The following WNK3 variants were observed in gnomAD, a reference collection of about 807,000 sequenced individuals.
The protein encoded by WNK3 is WNK lysine deficient protein kinase 3, also known as serine/threonine-protein kinase WNK3.
Under a neutral mutation model 116.7 loss-of-function variants are expected in WNK3, and 18 were observed. The observed-to-expected ratio is 0.15, with a 90% CI of 0.11 to 0.23. The LOEUF (loss-of-function observed/expected upper bound fraction) is 0.23. WNK3 is among the 10% of genes least tolerant of loss of function. The pLI, the probability that WNK3 is intolerant of heterozygous loss-of-function variation, is 1.00. For synonymous variants in WNK3, 404 were observed against 469.4 expected (o/e 0.86, Z 1.80); for missense variants, 993 against 1,323.8 (o/e 0.75, Z 3.88).
At chrX:54,284,826 C>T (rs1442804903) in intron 10 of WNK3, among the ~76,000 whole-genome samples, 3 of 109,988 alleles carry the variant, frequency 2.7e-5, no homozygotes, top group South Asian at 3.9e-4. Flanking sequence ...CAAAATTAGC[C>T]GGGCGTGGTG....
chrX:54,293,097 C>G, intron 9 of WNK3, 37 bp downstream of exon 9: 1 of 1,182,527 alleles, frequency 8.5e-7, no homozygotes. Flanking sequence ...AGTAAATACA[C>G]TGATTATATA....
chrX:54,333,508 T>C, exon 2 of WNK3: 1 of 1,211,774 alleles, frequency 8.3e-7, no homozygotes, highest in Non-Finnish European at 1.1e-6. Flanking sequence ...AAAAATCTCT[T>C]CCTTTCTACA....
In WNK3 at chrX:54,344,181, C is replaced by T. The variant is rs149846552; in HGVS notation, c.-119-10389G>A. Among the ~76,000 whole-genome samples, 639 of 112,582 alleles carry T rather than the reference C, an allele frequency of 5.7e-3. 7 individuals are homozygous for T. The highest frequency in any genetic ancestry group is 0.02 in the African/African-American group (624 of 31,139). ...AATTCTGGCTGGGCGCAGTGGCTTACGCCTGTAATTCCAGCACTTTGGGAG... is the reference window on the plus strand; with the variant it reads ...AATTCTGGCTGGGCGCAGTGGCTTATGCCTGTAATTCCAGCACTTTGGGAG... On this transcript the variant is annotated intron_variant, in intron 1 of 23. Transcript: ENST00000354646.
At chrX:54,296,124 C>T (rs2068696033) in intron 7 of WNK3, among the ~76,000 whole-genome samples, 1 of 112,004 alleles carries the variant, frequency 8.9e-6, no homozygotes, top group African/African-American at 3.2e-5. Context: ...CTACATCTTA[C>T]TAGGCATTAG....
At chrX:54,358,309 C>T (rs985291705), upstream of WNK3, among the ~76,000 whole-genome samples, 1 of 110,661 alleles carries the variant, frequency 9.0e-6, no homozygotes, top group Non-Finnish European at 1.9e-5. Flanking sequence ...CTGTGTGTTC[C>T]GAAGCGCTCT....
rs1430942546 is a variant in WNK3, at chrX:54,237,553, TGA to T, written c.4015-4_4015-3del. On this transcript the variant is annotated splice_polypyrimidine_tract_variant and splice_region_variant and intron_variant, in intron 19 of 23. Coordinates refer to ENST00000354646, the Ensembl canonical transcript of WNK3. ...CTGCTGCTGAGGAATTGTAATCACC[TGA>T]GATATAAAAACGTAAAAGTGGTTAG... 8.7e-7 allele frequency: 1 copy of T among 1,152,730 alleles called. No homozygotes were observed. The highest frequency in any genetic ancestry group is 1.8e-5 in the African/African-American group (1 of 54,937). 95.0% of individuals were successfully genotyped at this position (1,152,730 alleles called of 1,213,427 possible). A position where few individuals can be genotyped will look rare whatever the true frequency, so the allele number is the denominator to read the frequency against.
chrX:54,317,051 CCCA>C (rs1476032758), intron 2 of WNK3, among the ~76,000 whole-genome samples: 2 of 111,545 alleles, frequency 1.8e-5, no homozygotes, highest in East Asian at 2.8e-4. Flanking sequence ...AACTCAAATG[CCCA>C]CCAACAGATG....
At chrX:54,201,811 C>G (rs1557141683) in intron 23 of WNK3, among the ~76,000 whole-genome samples, 180 bp downstream of exon 23, 1 of 111,895 alleles carries the variant, frequency 8.9e-6, no homozygotes, top group Non-Finnish European at 1.9e-5. Flanking sequence ...CAAAAGTTTA[C>G]TGACTCATGG....
At chrX:54,239,659 T>C (rs782174381) in intron 17 of WNK3, among the ~76,000 whole-genome samples, 2 of 111,202 alleles carry the variant, frequency 1.8e-5, no homozygotes, top group Non-Finnish European at 3.8e-5. Flanking sequence ...ATAGGGAAAT[T>C]TATAAAGGAC....
intron 21 of WNK3, among the ~76,000 whole-genome samples, chrX:54,230,122 T>C (rs1246084426): frequency 1.8e-5 from 2 of 111,492 alleles, no homozygotes; most frequent in Non-Finnish European, 3.8e-5. Context: ...TCACATGTCC[T>C]ACAAAGGATT....
chrX:54,272,174 G>A (rs1015541107), intron 10 of WNK3, among the ~76,000 whole-genome samples: 5 of 111,999 alleles, frequency 4.5e-5, no homozygotes, highest in South Asian at 3.7e-4. Flanking sequence ...TAACTTTCTC[G>A]ATTTTTACAC....
chrX:54,330,122 C>T (rs1283092343), intron 2 of WNK3, among the ~76,000 whole-genome samples: 4 of 111,476 alleles, frequency 3.6e-5, no homozygotes, highest in African/African-American at 6.5e-5. Flanking sequence ...GCCTGTAATC[C>T]CAGCACTTTG....
chrX:54,267,783 G>C (rs1175734241), intron 10 of WNK3, among the ~76,000 whole-genome samples: 1 of 109,852 alleles, frequency 9.1e-6, no homozygotes, highest in Non-Finnish European at 1.9e-5. Context: ...GTAACAGAGC[G>C]AGACTCTCTC....
intron 1 of WNK3, among the ~76,000 whole-genome samples, chrX:54,342,270 A>T (rs782028415): frequency 2.8e-4 from 31 of 110,146 alleles, no homozygotes; most frequent in East Asian, 1.7e-3. Context: ...TATAAAAAAA[A>T]TTTTTTTTAA....
chrX:54,298,050 G>T, intron 7 of WNK3, 125 bp downstream of exon 7: 1 of 505,365 alleles, frequency 2.0e-6, no homozygotes, highest in Non-Finnish European at 3.3e-6. Context: ...TCCAGCCTGG[G>T]TGACAGAGCG....
At chrX:54,251,973 G>A (rs2068135811) in intron 13 of WNK3, among the ~76,000 whole-genome samples, 1 of 106,817 alleles carries the variant, frequency 9.4e-6, no homozygotes, top group African/African-American at 3.4e-5. Flanking sequence ...GCTGAGGCAG[G>A]AGAATTGCTT....
chrX:54,228,517 A>G (rs782675069), intron 22 of WNK3, among the ~76,000 whole-genome samples, 197 bp downstream of exon 22: 1 of 111,426 alleles, frequency 9.0e-6, no homozygotes, highest in African/African-American at 3.3e-5. Context: ...GAGGAGCTAC[A>G]ATGAGGGATG....
At chrX:54,201,952 G>A (rs782288715) in intron 23 of WNK3, 39 bp downstream of exon 23, 4 of 1,166,885 alleles carry the variant, frequency 3.4e-6, no homozygotes, top group Non-Finnish European at 4.7e-6. Flanking sequence ...TATGGTTTTA[G>A]TTCTTGTAAA....
At chrX:54,309,337 C>G in intron 3 of WNK3, 22 bp from the exon 4 acceptor site, 2 of 1,113,792 alleles carry the variant, frequency 1.8e-6, no homozygotes, top group African/African-American at 1.8e-5. Context: ...AACAAAAGAC[C>G]ATGTGTAAAC....
Sources: gnomAD v4.1 joint callset for allele counts (sites outside exome capture counted in the v4.1 genomes callset) on GRCh38, gnomAD v4.1.1 for gene constraint, MANE v1.5 for transcripts, NCBI Gene and HGNC (gene_info 2026-07-23, HGNC 2026-07-21) for gene names.